The following WDPCP variants were observed in gnomAD, a reference collection of about 807,000 sequenced individuals.
WDPCP encodes WD repeat-containing and planar cell polarity effector protein fritz homolog.
Under a neutral mutation model 93.1 loss-of-function variants are expected in WDPCP, and 71 were observed. The ratio of observed to expected loss-of-function variants is 0.76; its 90% confidence interval spans 0.63 to 0.93. WDPCP has a LOEUF of 0.93. Among genes scored for constraint, WDPCP ranks in the 40% least tolerant of loss-of-function variants. The pLI is 0.00. For missense variants in WDPCP, 844 were observed against 887.4 expected (o/e 0.95, Z 0.62); for synonymous variants, 315 against 315.0 (o/e 1.00, Z 0.00).
chr2:63,190,270 A>C (rs1442944365), intron 14 of WDPCP, among the ~76,000 whole-genome samples: 3 of 151,958 alleles, frequency 2.0e-5, no homozygotes, highest in Non-Finnish European at 2.9e-5. Context: ...TCTTAAAAAA[A>C]AGAAATACAA....
In WDPCP at chr2:63,128,558, C is replaced by A. The variant is rs575126076; in HGVS notation, c.2191-6502G>T. ...GTGGGATTAGGCACATTCACATCAT[C>A]ATGTAACCATCACCGCTCTCCATCT... On this transcript the variant is annotated intron_variant, in intron 17 of 17. Transcript: ENST00000272321. Among the ~76,000 whole-genome samples, 12 of 152,276 alleles carry A rather than the reference C, an allele frequency of 7.9e-5. No individual in the cohort carries two copies. In the South Asian group the frequency reaches 2.5e-3, roughly 32 times the overall value.
At chr2:63,178,420 T>C (rs1200222031) in intron 14 of WDPCP, among the ~76,000 whole-genome samples, 1 of 152,210 alleles carries the variant, frequency 6.6e-6, no homozygotes, top group Non-Finnish European at 1.5e-5. Flanking sequence ...TAATTCTTCA[T>C]TATCCAATCT....
intron 6 of WDPCP, among the ~76,000 whole-genome samples, chr2:63,459,982 A>T (rs1241927079): frequency 6.6e-6 from 1 of 152,198 alleles, no homozygotes; most frequent in African/African-American, 2.4e-5. Context: ...ACTACTTGGT[A>T]TCTATCCAAA....
intron 3 of WDPCP, chr2:63,594,213 G>T (rs996716327): frequency 1.8e-6 from 1 of 545,094 alleles, no homozygotes; most frequent in Non-Finnish European, 3.6e-6. Flanking sequence ...CATCAACATT[G>T]TTGAGCCTAT....
intron 6 of WDPCP, among the ~76,000 whole-genome samples, chr2:63,454,980 A>G (rs779983251): frequency 1.2e-4 from 19 of 152,218 alleles, no homozygotes; most frequent in Non-Finnish European, 1.8e-4. Context: ...AGAAAGAAAT[A>G]CTTTCACAGA....
intron 2 of WDPCP, among the ~76,000 whole-genome samples, chr2:63,687,055 C>T (rs186929350): frequency 6.6e-6 from 1 of 152,270 alleles, no homozygotes; most frequent in East Asian, 1.9e-4. Context: ...AATACACTAA[C>T]ACTAATGATA....
chr2:63,493,947 C>T (rs1701049820), intron 1 of WDPCP, among the ~76,000 whole-genome samples: 2 of 152,104 alleles, frequency 1.3e-5, no homozygotes, highest in South Asian at 4.1e-4. Flanking sequence ...AATCCTTCAG[C>T]TTCTTTAACA....
chr2:63,297,552 C>T (rs559760351), intron 13 of WDPCP, among the ~76,000 whole-genome samples: 3 of 152,212 alleles, frequency 2.0e-5, no homozygotes, highest in African/African-American at 7.2e-5. Context: ...CCAGATGCTA[C>T]AGCAGCAATA....
At chr2:63,607,928 A>T (rs935749664) in intron 3 of WDPCP, among the ~76,000 whole-genome samples, 2 of 152,168 alleles carry the variant, frequency 1.3e-5, no homozygotes, top group African/African-American at 4.8e-5. Flanking sequence ...AACCAGGGGA[A>T]GGCAGTAAGG....
At chr2:63,372,941 T>C (rs1342823273) in intron 12 of WDPCP, among the ~76,000 whole-genome samples, 1 of 152,014 alleles carries the variant, frequency 6.6e-6, no homozygotes, top group Non-Finnish European at 1.5e-5. Flanking sequence ...CTGACCAACA[T>C]GGAGAAACCC....
chr2:63,837,450 C>T, the WDPCP span, among the ~76,000 whole-genome samples: 1 of 152,184 alleles, frequency 6.6e-6, no homozygotes, highest in Non-Finnish European at 1.5e-5. Context: ...CAGTGGATAA[C>T]TGTTGCCTGG....
chr2:63,214,266 T>C (rs1410833085), intron 14 of WDPCP, among the ~76,000 whole-genome samples: 4 of 152,180 alleles, frequency 2.6e-5, no homozygotes, highest in African/African-American at 9.6e-5. Context: ...TCAAAAAGCT[T>C]ATCCACCATG....
chr2:63,634,714 A>G (rs1709903575), intron 3 of WDPCP, among the ~76,000 whole-genome samples: 1 of 152,194 alleles, frequency 6.6e-6, no homozygotes, highest in Admixed American at 6.5e-5. Context: ...TGGATAAAAG[A>G]AGAAATCAAA....
At chr2:63,570,843 T>C (rs539923379) in intron 1 of WDPCP, among the ~76,000 whole-genome samples, 2 of 152,308 alleles carry the variant, frequency 1.3e-5, no homozygotes, top group East Asian at 1.9e-4. Context: ...ACTCTGAAGT[T>C]AGACACACTG....
At chr2:63,192,801 TTTG>T (rs1675148160) in intron 14 of WDPCP, among the ~76,000 whole-genome samples, 1 of 152,228 alleles carries the variant, frequency 6.6e-6, no homozygotes, top group South Asian at 2.1e-4. Context: ...TATCTATTCT[TTTG>T]TTGGCTTTGT....
intron 13 of WDPCP, among the ~76,000 whole-genome samples, chr2:63,261,836 T>C (rs1212065486): frequency 6.6e-6 from 1 of 152,166 alleles, no homozygotes; most frequent in Non-Finnish European, 1.5e-5. Flanking sequence ...ATTTTAACAA[T>C]ATATCATAAT....
intron 2 of WDPCP, among the ~76,000 whole-genome samples, chr2:63,804,892 G>C (rs1031306207): frequency 2.0e-5 from 3 of 151,958 alleles, no homozygotes. Context: ...GCCTGGCTTG[G>C]TGGTGGGTGC....
At chr2:63,645,834 T>C (rs1710041533) in intron 3 of WDPCP, among the ~76,000 whole-genome samples, 1 of 152,230 alleles carries the variant, frequency 6.6e-6, no homozygotes, top group Admixed American at 6.5e-5. Flanking sequence ...TGCTCTTTTT[T>C]GGTTTCCGTT....
At chr2:63,440,966 G>C (rs991452569) in intron 6 of WDPCP, 3 of 152,156 alleles carry the variant, frequency 2.0e-5, no homozygotes, top group Non-Finnish European at 2.9e-5. Context: ...TATAAAGACA[G>C]ACCACCATTC....
Sources: gnomAD v4.1 joint callset for allele counts (sites outside exome capture counted in the v4.1 genomes callset) on GRCh38, gnomAD v4.1.1 for gene constraint, MANE v1.5 for transcripts, NCBI Gene and HGNC (gene_info 2026-07-23, HGNC 2026-07-21) for gene names.